Variants in IFNAR2 observed in about 807,000 individuals in gnomAD.
The protein encoded by IFNAR2 is interferon alpha and beta receptor subunit 2.
IFNAR2 carries 30 observed loss-of-function variants against 49.4 expected under a neutral mutation model. The observed-to-expected ratio is 0.61, with a 90% CI of 0.45 to 0.82. IFNAR2 has a LOEUF of 0.82. Ranked by LOEUF, IFNAR2 falls within the 40% of genes least tolerant of loss-of-function variation. IFNAR2 has a pLI of 0.00. For missense variants in IFNAR2, 600 were observed against 622.7 expected (o/e 0.96, Z 0.39); for synonymous variants, 224 against 234.5 (o/e 0.96, Z 0.41).
At chr21:33,234,224 T>TGTGTGTGTGTGTGTG (rs1986278711) in intron 1 of IFNAR2, among the ~76,000 whole-genome samples, 2 of 151,410 alleles carry the variant, frequency 1.3e-5, no homozygotes, top group African/African-American at 2.4e-5. Flanking sequence ...TGTGTGTGTG[T>TGTGTGTGTGTGTGTG]TTATGCATAG....
intron 1 of IFNAR2, among the ~76,000 whole-genome samples, chr21:33,239,282 AG>A (rs1220422048): frequency 3.3e-5 from 5 of 152,188 alleles, no homozygotes; most frequent in Admixed American, 3.3e-4. Flanking sequence ...AAGAGAAGGA[AG>A]GGACACCGTG....
In IFNAR2 at chr21:33,241,944, T is replaced by C; in HGVS notation, c.22T>C (p.Phe8Leu). MLLSQNA[F>L]IFRSLNLVLM... ...AAAGATGCTTTTGAGCCAGAATGCC[T>C]TCATCTTCAGATCACTTAATTTGGT... The change falls in exon 2 of 9, where the codon TTC becomes CTC. Residue 8 changes from phenylalanine to leucine, a missense_variant. Phe to Leu is a conservative substitution (Grantham distance 22). Coordinates refer to ENST00000342136, the MANE Select transcript of IFNAR2 (RefSeq NM_001289125.3). The C allele has an allele frequency of 1.2e-6, 2 of 1,612,876 alleles. No individual in the cohort carries two copies. The highest frequency in any genetic ancestry group is 8.5e-7 in the Non-Finnish European group (1 of 1,179,204).
In IFNAR2 at chr21:33,252,732, C is replaced by T. The variant is rs147496374; in HGVS notation, c.611C>T (p.Thr204Met). Residue 204 changes from threonine (T) to methionine (M), a missense_variant, in exon 7 of 9, where the codon ACG (threonine) becomes ATG (methionine). Thr to Met is a moderately conservative substitution (Grantham distance 81). Coordinates refer to ENST00000342136, the MANE Select transcript of IFNAR2 (RefSeq NM_001289125.3). Reference sequence around the variant, plus strand: ...ATCATTGACAAGTTAATTCCAAACACGAACTACTGTGTATCTGTTTATTTA... The same window carrying T: ...ATCATTGACAAGTTAATTCCAAACATGAACTACTGTGTATCTGTTTATTTA... ...TYIIDKLIPN[T>M]NYCVSVYLEH... 1.9e-6 allele frequency: 3 copies of T among 1,613,108 alleles called. No homozygotes were observed. Among genetic ancestry groups the T allele is most frequent in the East Asian group, 2.2e-5 (1 of 44,864 alleles).
At position 33,262,850 on chromosome 21, in the gene IFNAR2, G is replaced by T; in HGVS notation, c.898G>T (p.Asp300Tyr). 1 of 1,613,440 alleles carries T rather than the reference G, an allele frequency of 6.2e-7. No individual in the cohort carries two copies. The highest frequency in any genetic ancestry group is 8.5e-7 in the Non-Finnish European group (1 of 1,179,790). The change falls in exon 9 of 9, where the codon GAT (aspartate) becomes TAT (tyrosine). Residue 300 changes from aspartate to tyrosine, a missense_variant. Asp to Tyr is a radical substitution (Grantham distance 160, BLOSUM62 -3). Coordinates refer to ENST00000342136, the MANE Select transcript of IFNAR2 (RefSeq NM_001289125.3). ...TAACCTGCCACCGTTGGAAGCCATGGATATGGTGGAGGTCATTTACATCAA... is the reference window on the plus strand; with the variant it reads ...TAACCTGCCACCGTTGGAAGCCATGTATATGGTGGAGGTCATTTACATCAA... ...FPNLPPLEAM[D>Y]MVEVIYINRK...
intron 2 of IFNAR2, among the ~76,000 whole-genome samples, chr21:33,242,429 T>C (rs920837336): frequency 2.0e-5 from 3 of 152,250 alleles, no homozygotes; most frequent in Middle Eastern, 3.4e-3. Flanking sequence ...GGAAATTCTT[T>C]GATGTTAAAG....
At chr21:33,246,372 T>C (rs1001797094) in intron 4 of IFNAR2, among the ~76,000 whole-genome samples, 2 of 152,168 alleles carry the variant, frequency 1.3e-5, no homozygotes, top group African/African-American at 4.8e-5. Context: ...ACCCGGCTCC[T>C]CCGGCAAGTT....
At chr21:33,246,996 G>A in intron 5 of IFNAR2, 106 bp downstream of exon 5, 1 of 892,314 alleles carries the variant, frequency 1.1e-6, no homozygotes, top group Non-Finnish European at 1.7e-6. Context: ...ACCTGGGGCT[G>A]GGCTCACCTC....
chr21:33,243,764 T>C, intron 3 of IFNAR2, 50 bp downstream of exon 3: 1 of 1,275,862 alleles, frequency 7.8e-7, no homozygotes, highest in Non-Finnish European at 1.1e-6. Context: ...AGTGAAAGTG[T>C]TGGGGCAACC....
intron 1 of IFNAR2, among the ~76,000 whole-genome samples, chr21:33,233,310 A>G (rs1986197890): frequency 6.6e-6 from 1 of 152,240 alleles, no homozygotes. Context: ...GACAAAATAC[A>G]ATCAAGAATT....
chr21:33,250,967 C>T (rs1404184050), intron 6 of IFNAR2, among the ~76,000 whole-genome samples: 1 of 151,968 alleles, frequency 6.6e-6, no homozygotes, highest in African/African-American at 2.4e-5. Flanking sequence ...TCCAGGTGTC[C>T]GTAAGGAATC....
Position 33,248,786 on chromosome 21 carries a change from G to A in IFNAR2, c.472G>A (p.Val158Ile). 6.2e-7 allele frequency: 1 copy of A among 1,611,284 alleles called. No individual in the cohort carries two copies. Among genetic ancestry groups the A allele is most frequent in the Non-Finnish European group, 8.5e-7 (1 of 1,178,500 alleles). ...INVMVKFPSIVEEELQFDLSL... is the reference protein window; with the variant it reads ...INVMVKFPSIIEEELQFDLSL... ...TGTGATGGTGAAATTTCCATCTATT[G>A]TTGAGGAAGAATTACAGTTTGATTT... Residue 158 changes from valine to isoleucine, a missense_variant, in exon 6 of 9, where the codon GTT becomes ATT. Coordinates refer to ENST00000342136, the MANE Select transcript of IFNAR2 (RefSeq NM_001289125.3).
chr21:33,260,570 TAA>T, intron 7 of IFNAR2, 25 bp from the exon 8 acceptor site: 1 of 1,575,286 alleles, frequency 6.3e-7, no homozygotes, highest in Admixed American at 2.0e-5. Context: ...TTTTTTGAAA[TAA>T]AGTCATTTAA....
chr21:33,242,486 A>G (rs1987012709), intron 2 of IFNAR2, among the ~76,000 whole-genome samples: 1 of 152,058 alleles, frequency 6.6e-6, no homozygotes, highest in Non-Finnish European at 1.5e-5. Context: ...TAATCCCTGC[A>G]CTTTGGGAGG....
At chr21:33,247,669 A>G (rs1042301860) in intron 5 of IFNAR2, among the ~76,000 whole-genome samples, 5 of 152,204 alleles carry the variant, frequency 3.3e-5, no homozygotes, top group Non-Finnish European at 5.9e-5. Context: ...ACTAGACCCC[A>G]AGAACAGGCC....
Position 33,230,163 on chromosome 21 carries a change from G to T in IFNAR2, c.-137G>T, listed in dbSNP as rs1009202943. On this transcript the variant is annotated 5_prime_UTR_variant, in exon 1 of 9. Coordinates refer to ENST00000342136, the MANE Select transcript of IFNAR2 (RefSeq NM_001289125.3). This position sits in a 1 kb window ranked among gnomAD's most constrained non-coding sequence, Gnocchi z 5.5. The stretch of plus-strand genomic sequence containing the variant: ...AGCGTCGGGTCCCAGAGCCGGGCGC[G>T]GCTGGGGCCCGAGGCTAGCATCTCT... 1.0e-6 allele frequency: 1 copy of T among 999,940 alleles called. No homozygotes were observed. The highest frequency in any genetic ancestry group is 1.2e-6 in the Non-Finnish European group (1 of 837,650). 61.9% of individuals were successfully genotyped at this position (999,940 alleles called of 1,614,324 possible). A position where few individuals can be genotyped will look rare whatever the true frequency, so the allele number is the denominator to read the frequency against.
chr21:33,262,568 G>T (rs1319324534), intron 8 of IFNAR2: 14 of 709,676 alleles, frequency 2.0e-5, no homozygotes, highest in East Asian at 1.9e-4. Flanking sequence ...TAGAGGCAAG[G>T]TCTCGCTAAG....
intron 1 of IFNAR2, among the ~76,000 whole-genome samples, chr21:33,237,101 G>GTGTGTGTGTT (rs1225152536): frequency 2.0e-5 from 3 of 151,976 alleles, no homozygotes; most frequent in East Asian, 1.9e-4. Context: ...GTGTGTGTGT[G>GTGTGTGTGTT]TGTGTGTGTT....
At position 33,263,144 on chromosome 21, in the gene IFNAR2, A is replaced by G. The variant is rs1003170926; in HGVS notation, c.1192A>G (p.Arg398Gly). The change falls in exon 9 of 9, where the codon AGA (arginine) becomes GGA (glycine). Residue 398 changes from arginine to glycine, a missense_variant. Physicochemically the swap from Arg to Gly is moderately radical, Grantham distance 125. Coordinates refer to ENST00000342136, the MANE Select transcript of IFNAR2 (RefSeq NM_001289125.3). The stretch of plus-strand genomic sequence containing the variant: ...ACTCTTGAGTGGGCCCTGTGAGAGG[A>G]GAAAGAGTCCACTCCAGGACCCTTT... ...LELLSGPCERRKSPLQDPFPE... is the reference protein window; with the variant it reads ...LELLSGPCERGKSPLQDPFPE... 5.6e-6 allele frequency: 9 copies of G among 1,614,036 alleles called. No homozygotes were observed. The highest frequency in any genetic ancestry group is 7.6e-6 in the Non-Finnish European group (9 of 1,180,042).
chr21:33,236,051 A>G (rs1389440488), intron 1 of IFNAR2, among the ~76,000 whole-genome samples: 2 of 152,228 alleles, frequency 1.3e-5, no homozygotes, highest in African/African-American at 4.8e-5. Context: ...GGAATTGCCA[A>G]GTTATACCAT....
Sources: allele counts gnomAD v4.1 joint callset (sites outside exome capture counted in the v4.1 genomes callset), GRCh38; gene constraint gnomAD v4.1.1; non-coding constraint Gnocchi (gnomAD v3.1); transcripts MANE v1.5; gene names NCBI Gene and HGNC (gene_info 2026-07-23, HGNC 2026-07-21).